Variants in CDYL2 observed in about 807,000 individuals in gnomAD.
The protein encoded by CDYL2 is chromodomain Y like 2.
CDYL2 carries 23 observed loss-of-function variants against 49.4 expected under a neutral mutation model. The ratio of observed to expected loss-of-function variants is 0.47; its 90% CI spans 0.34 to 0.66. CDYL2 has a LOEUF of 0.66. Among genes scored for constraint, CDYL2 ranks in the 30% least tolerant of loss-of-function variants. CDYL2 has a pLI of 0.01. For missense variants in CDYL2, 678 were observed against 656.4 expected, an observed-to-expected ratio of 1.03 and a Z score of -0.36; for synonymous variants, 360 against 268.8, an observed-to-expected ratio of 1.34 and a Z score of -3.32.
At chr16:80,641,803 C>T (rs928540870) in intron 2 of CDYL2, among the ~76,000 whole-genome samples, 10 of 150,150 alleles carry the variant, frequency 6.7e-5, no homozygotes, top group African/African-American at 1.2e-4. Context: ...CGCTAAATGA[C>T]GAGTTAACGG....
intron 1 of CDYL2, among the ~76,000 whole-genome samples, chr16:80,685,904 C>A (rs749418583): frequency 1.3e-5 from 2 of 152,296 alleles, no homozygotes; most frequent in East Asian, 3.9e-4. Flanking sequence ...AGGACTTGAA[C>A]TGAAAATGTC....
At chr16:80,675,949 G>C (rs1447266039) in intron 2 of CDYL2, among the ~76,000 whole-genome samples, 1 of 152,184 alleles carries the variant, frequency 6.6e-6, no homozygotes, top group Non-Finnish European at 1.5e-5. Context: ...GGTAGGAAAA[G>C]CAATTAGTTG....
rs146917415 is a variant in CDYL2 at position 80,670,749 on chromosome 16, A to G, written c.616+13789T>C. Among the ~76,000 whole-genome samples the G allele has an allele frequency of 4.8e-3, 735 of 152,276 alleles. 5 individuals carry two copies. The highest frequency in any genetic ancestry group is 0.017 in the African/African-American group (702 of 41,560). On this transcript the variant is annotated intron_variant, in intron 2 of 6. Coordinates refer to ENST00000570137, the MANE Select transcript of CDYL2 (RefSeq NM_152342.4). ...TTTTCTTTCTGGGACAGGATGAAAG[A>G]AAGAGAAGCCATGTTGCAACATAAA...
At chr16:80,691,528 G>C (rs960687091) in intron 1 of CDYL2, among the ~76,000 whole-genome samples, 1 of 152,226 alleles carries the variant, frequency 6.6e-6, no homozygotes, top group Non-Finnish European at 1.5e-5. Flanking sequence ...AGTGGTGAGA[G>C]AGACCAACAG....
chr16:80,671,672 T>C (rs1213879080), intron 2 of CDYL2, among the ~76,000 whole-genome samples: 1 of 152,206 alleles, frequency 6.6e-6, no homozygotes, highest in Non-Finnish European at 1.5e-5. Flanking sequence ...AAAGCTCAGC[T>C]TCAGTGGAGA....
intron 1 of CDYL2, among the ~76,000 whole-genome samples, chr16:80,733,071 T>A (rs1475284099): frequency 6.6e-6 from 1 of 152,088 alleles, no homozygotes; most frequent in Admixed American, 6.6e-5. Context: ...GTAGCCTATA[T>A]CTACTGATAA....
At chr16:80,782,695 T>C (rs1435345957) in intron 1 of CDYL2, among the ~76,000 whole-genome samples, 3 of 151,510 alleles carry the variant, frequency 2.0e-5, no homozygotes, top group Non-Finnish European at 4.4e-5. Flanking sequence ...GCTCGAAACA[T>C]GAAAATCAAT....
chr16:80,793,271 A>G (rs950450752), intron 1 of CDYL2, among the ~76,000 whole-genome samples: 1 of 152,218 alleles, frequency 6.6e-6, no homozygotes, highest in African/African-American at 2.4e-5. Flanking sequence ...AAGGGCCTCT[A>G]TCACATGCAC....
At chr16:80,771,410 A>G (rs1218714933) in intron 1 of CDYL2, among the ~76,000 whole-genome samples, 5 of 152,256 alleles carry the variant, frequency 3.3e-5, no homozygotes, top group Non-Finnish European at 7.3e-5. Context: ...ATTTCAACAT[A>G]CAAACGAAAA....
chr16:80,709,833 T>C (rs934860337), intron 1 of CDYL2, among the ~76,000 whole-genome samples: 1 of 152,200 alleles, frequency 6.6e-6, no homozygotes, highest in African/African-American at 2.4e-5. Flanking sequence ...ATCCCTTTTT[T>C]CACTGAGCCA....
At chr16:80,665,835 A>C (rs558598950) in intron 2 of CDYL2, among the ~76,000 whole-genome samples, 1 of 152,330 alleles carries the variant, frequency 6.6e-6, no homozygotes, top group East Asian at 1.9e-4. Context: ...TCACAAAAGT[A>C]ACAGAGTCCA....
intron 1 of CDYL2, among the ~76,000 whole-genome samples, chr16:80,774,790 G>A (rs1211799150): frequency 6.6e-6 from 1 of 151,874 alleles, no homozygotes; most frequent in Non-Finnish European, 1.5e-5. Flanking sequence ...AGGTCAATAG[G>A]AAGGTCAGAA....
At chr16:80,685,219 G>C in intron 1 of CDYL2, 90 bp from the exon 2 acceptor site, 2 of 1,022,258 alleles carry the variant, frequency 2.0e-6, no homozygotes, top group Non-Finnish European at 2.9e-6. Flanking sequence ...AAGCCTTTGG[G>C]ATAGAGGCAT....
At chr16:80,619,786 C>G (rs561475312) in intron 4 of CDYL2, among the ~76,000 whole-genome samples, 1 of 152,310 alleles carries the variant, frequency 6.6e-6, no homozygotes, top group East Asian at 1.9e-4. Context: ...GCTCCAATGG[C>G]TGCTTCACCC....
chr16:80,747,940 C>G (rs1905988521), intron 1 of CDYL2, among the ~76,000 whole-genome samples: 1 of 151,926 alleles, frequency 6.6e-6, no homozygotes, highest in Non-Finnish European at 1.5e-5. Context: ...AATTCTCAGG[C>G]AGGATTCTTG....
chr16:80,715,382 G>C lies in CDYL2; in HGVS notation c.25-30253C>G, dbSNP rs147921128. On this transcript the variant is annotated intron_variant, in intron 1 of 6. Transcript: ENST00000570137. ...CACCAACAATACCCCAACTAATCCA[G>C]TTATCCAAGGCGAGGAGCCATTCTG... 3.6e-3 allele frequency among the ~76,000 whole-genome samples: 542 copies of C among 152,194 alleles called. 9 individuals are homozygous for C. Among genetic ancestry groups the C allele is most frequent in the East Asian group, 2.1e-3 (11 of 5,150 alleles).
At chr16:80,724,300 AAGAG>A (rs1292579167) in intron 1 of CDYL2, among the ~76,000 whole-genome samples, 3 of 150,462 alleles carry the variant, frequency 2.0e-5, no homozygotes, top group South Asian at 2.1e-4. Flanking sequence ...AAGAAAGGAG[AAGAG>A]AGAGAGGAAG....
chr16:80,629,096 G>A (rs549857354), intron 3 of CDYL2, among the ~76,000 whole-genome samples: 1 of 152,276 alleles, frequency 6.6e-6, no homozygotes, highest in Admixed American at 6.5e-5. Flanking sequence ...CGATGAGGCG[G>A]GACTGCACCA....
chr16:80,803,810 C>T (rs1908006214), intron 1 of CDYL2, among the ~76,000 whole-genome samples: 1 of 145,236 alleles, frequency 6.9e-6, no homozygotes, highest in Admixed American at 6.8e-5. Context: ...GCTCGTCGGG[C>T]GAGAAACACC....
Sources: gnomAD v4.1 joint callset for allele counts (sites outside exome capture counted in the v4.1 genomes callset) on GRCh38, gnomAD v4.1.1 for gene constraint, MANE v1.5 for transcripts, NCBI Gene and HGNC (gene_info 2026-07-23, HGNC 2026-07-21) for gene names.